The following HUNK variants were observed in gnomAD, a reference collection of about 807,000 sequenced individuals.
The protein encoded by HUNK is hormonally up-regulated neu tumor-associated kinase.
HUNK carries 21 observed loss-of-function variants against 61.0 expected under a neutral mutation model. That is an observed-to-expected ratio of 0.34 (90% CI 0.24 to 0.50). The LOEUF is 0.50. Among genes scored for constraint, HUNK ranks in the 20% least tolerant of loss-of-function variants. HUNK has a pLI of 0.98. For missense variants in HUNK, 772 were observed against 945.7 expected (o/e 0.82, Z 2.41); for synonymous variants, 371 against 386.1 (o/e 0.96, Z 0.46).
chr21:31,999,174 C>T lies in HUNK; in HGVS notation c.2135C>T (p.Thr712Ile). 6.9e-6 allele frequency: 11 copies of T among 1,602,914 alleles called. No individual in the cohort carries two copies. Among genetic ancestry groups the T allele is most frequent in the Non-Finnish European group, 9.4e-6 (11 of 1,174,640 alleles). ...LAFDMADGVK[T>I]QC ...TTTGACATGGCCGATGGGGTCAAGA[C>T]CCAGTGCTAACTTGGGCCAGCGGGG... The change falls in exon 11 of 11, where the codon ACC becomes ATC. Residue 712 changes from threonine (T) to isoleucine (I), a missense_variant. By Grantham distance (89) the Thr-to-Ile change is moderately conservative. This residue lies in a region of HUNK where 413 missense variants were observed against 444.4 expected (regional missense o/e 0.93). Transcript: ENST00000270112.
At chr21:31,951,133 C>T (rs1159668453) in intron 4 of HUNK, among the ~76,000 whole-genome samples, 2 of 151,200 alleles carry the variant, frequency 1.3e-5, no homozygotes, top group East Asian at 1.9e-4. Flanking sequence ...TTTTCAAGAC[C>T]GTAAAGAATA....
intron 9 of HUNK, among the ~76,000 whole-genome samples, chr21:31,992,677 G>A (rs1310774998): frequency 6.6e-6 from 1 of 152,372 alleles, no homozygotes; most frequent in Non-Finnish European, 1.5e-5. Flanking sequence ...TGTGGAAGGG[G>A]GAGGTGATAG....
chr21:31,945,417 G>A (rs1454072371), intron 3 of HUNK, among the ~76,000 whole-genome samples: 2 of 152,134 alleles, frequency 1.3e-5, no homozygotes, highest in Non-Finnish European at 2.9e-5. Flanking sequence ...TCTTTCTGGT[G>A]CTACTTTTCC....
chr21:31,965,520 A>G (rs1324755502), intron 5 of HUNK, among the ~76,000 whole-genome samples: 4 of 151,918 alleles, frequency 2.6e-5, no homozygotes, highest in African/African-American at 9.7e-5. Context: ...ATCCAGCGAT[A>G]ACACTTACAG....
Position 32,003,796 on chromosome 21 carries a change from G to C in HUNK, c.*4612G>C, listed in dbSNP as rs1398289162. 6.6e-6 allele frequency: 1 copy of C among 152,252 alleles called. No homozygotes were observed. The highest frequency in any genetic ancestry group is 1.5e-5 in the Non-Finnish European group (1 of 68,070). The allele number at this position is 152,252 out of a possible 1,614,324, so 9.4% of individuals were successfully genotyped here. On this transcript the variant is annotated 3_prime_UTR_variant, in exon 11 of 11. Coordinates refer to ENST00000270112, the MANE Select transcript of HUNK (RefSeq NM_014586.2). ...AGGAGTTGACGTCTGTGGGCACTAA[G>C]GGACTGAGGTTGGGGGAGAAAGCTG... is the stretch of plus-strand genomic sequence containing the variant.
chr21:31,915,769 T>C (rs1004782823), intron 1 of HUNK, among the ~76,000 whole-genome samples: 38 of 152,198 alleles, frequency 2.5e-4, no homozygotes, highest in African/African-American at 8.7e-4. Context: ...TTAAAGAAGA[T>C]GAGAGACTCG....
At chr21:31,876,173 A>T (rs772875781) in intron 1 of HUNK, among the ~76,000 whole-genome samples, 18 of 152,154 alleles carry the variant, frequency 1.2e-4, no homozygotes, top group Non-Finnish European at 2.2e-4. Context: ...ATGTAAAATT[A>T]TTCCCCTGGA....
intron 1 of HUNK, among the ~76,000 whole-genome samples, chr21:31,919,937 T>C (rs1255025033): frequency 1.3e-5 from 2 of 152,238 alleles, no homozygotes; most frequent in African/African-American, 4.8e-5. Flanking sequence ...TATTTGTTCC[T>C]TGTGGCTGCT....
rs1249118518 is a variant in HUNK, at chr21:31,999,392, G to A, written c.*208G>A. 1.9e-6 allele frequency: 1 copy of A among 526,862 alleles called. No individual in the cohort carries two copies. The highest frequency in any genetic ancestry group is 3.3e-6 in the Non-Finnish European group (1 of 301,338). 32.6% of individuals were successfully genotyped at this position (526,862 alleles called of 1,614,324 possible). On this transcript the variant is annotated 3_prime_UTR_variant, in exon 11 of 11. Transcript: ENST00000270112. ...AATCGCTAGGAGGGTTGGCTCCAGGGGCAGCCAATTCCTATCATTCAGATC... is the reference window on the plus strand; with the variant it reads ...AATCGCTAGGAGGGTTGGCTCCAGGAGCAGCCAATTCCTATCATTCAGATC...
intron 4 of HUNK, among the ~76,000 whole-genome samples, chr21:31,957,182 A>C (rs1209116619): frequency 6.6e-6 from 1 of 152,126 alleles, no homozygotes; most frequent in Non-Finnish European, 1.5e-5. Flanking sequence ...GACTGTGCTC[A>C]TCTATTTGTT....
At chr21:31,875,672 G>A (rs890327532) in intron 1 of HUNK, among the ~76,000 whole-genome samples, 1 of 152,170 alleles carries the variant, frequency 6.6e-6, no homozygotes, top group Non-Finnish European at 1.5e-5. Flanking sequence ...CTGGCCCTGT[G>A]TAAATTCCTG....
At position 31,946,089 on chromosome 21, in the gene HUNK, A is replaced by G. The variant is rs1290555330; in HGVS notation, c.664A>G (p.Thr222Ala). The G allele has an allele frequency of 7.4e-6, 12 of 1,613,514 alleles. No individual in the cohort carries two copies. The highest frequency in any genetic ancestry group is 1.0e-5 in the Non-Finnish European group (12 of 1,179,564). The change falls in exon 4 of 11, where the codon ACA (threonine) becomes GCA (alanine). Residue 222 changes from threonine (T) to alanine (A), a missense_variant. This residue lies in a region of HUNK where 359 missense variants were observed against 501.3 expected (regional missense o/e 0.72). Coordinates refer to ENST00000270112, the MANE Select transcript of HUNK (RefSeq NM_014586.2). ...GILGYSDPFS[T>A]QCGSPAYAAP... Reference sequence around the variant, plus strand: ...CCTGGGTTACTCGGATCCGTTCAGCACACAGTGTGGCAGCCCTGCCTACGC... The same window carrying G: ...CCTGGGTTACTCGGATCCGTTCAGCGCACAGTGTGGCAGCCCTGCCTACGC...
chr21:31,910,283 G>A (rs1020529915), intron 1 of HUNK, among the ~76,000 whole-genome samples: 2 of 152,014 alleles, frequency 1.3e-5, no homozygotes, highest in African/African-American at 4.8e-5. Flanking sequence ...CTCCTTGGCT[G>A]ACTGAAGGCT....
intron 6 of HUNK, among the ~76,000 whole-genome samples, chr21:31,973,703 G>T (rs186152246): frequency 3.3e-5 from 5 of 152,288 alleles, no homozygotes; most frequent in Admixed American, 3.3e-4. Context: ...CTGCCTGTGT[G>T]ACCCTGGGCA....
intron 1 of HUNK, among the ~76,000 whole-genome samples, chr21:31,907,780 A>G (rs2052516471): frequency 6.6e-6 from 1 of 152,082 alleles, no homozygotes; most frequent in African/African-American, 2.4e-5. Context: ...ACTTGAGGTC[A>G]GGAGTTTGAG....
chr21:31,886,365 G>T (rs1459791703), intron 1 of HUNK, among the ~76,000 whole-genome samples: 1 of 150,766 alleles, frequency 6.6e-6, no homozygotes, highest in Non-Finnish European at 1.5e-5. Context: ...GGCGGACGTT[G>T]CAGCGAGCCG....
intron 9 of HUNK, among the ~76,000 whole-genome samples, chr21:31,992,556 C>T (rs16988716): frequency 0.17 from 26,383 of 152,170 alleles, 2,647 homozygotes; most frequent in South Asian, 0.32. Flanking sequence ...GGCTTCGAAC[C>T]GAGAGCTTGA....
chr21:31,875,399 TG>T (rs2052253693), intron 1 of HUNK, among the ~76,000 whole-genome samples: 1 of 152,162 alleles, frequency 6.6e-6, no homozygotes, highest in East Asian at 1.9e-4. Flanking sequence ...CGCTTTATTA[TG>T]GGTATGTGGG....
At chr21:31,981,092 C>A (rs1034901173) in intron 7 of HUNK, among the ~76,000 whole-genome samples, 4 of 152,256 alleles carry the variant, frequency 2.6e-5, no homozygotes, top group Non-Finnish European at 5.9e-5. Flanking sequence ...AGTTTTCCAA[C>A]ACCATTTATT....
Sources: gnomAD v4.1 joint callset for allele counts (sites outside exome capture counted in the v4.1 genomes callset) on GRCh38, gnomAD v4.1.1 for gene constraint, gnomAD v4.1.1 regional missense constraint, MANE v1.5 for transcripts, NCBI Gene and HGNC (gene_info 2026-07-23, HGNC 2026-07-21) for gene names.